SHC4: variants seen among roughly 807,000 people sequenced by gnomAD.
The protein encoded by SHC4 is SHC-transforming protein 4.
In SHC4, 41 loss-of-function variants were observed where a neutral mutation model predicts 69.4. The observed-to-expected ratio is 0.59, with a 90% CI of 0.46 to 0.77. The LOEUF (loss-of-function observed/expected upper bound fraction) is 0.77. SHC4 is among the 30% of genes least tolerant of loss of function. The probability of loss-of-function intolerance (pLI) is 0.00; values close to 1 mark genes in which losing one functional copy is unlikely to be tolerated. For missense variants in SHC4, 777 were observed against 783.8 expected (o/e 0.99, Z 0.10); for synonymous variants, 318 against 299.3 (o/e 1.06, Z -0.64).
chr15:48,918,890 T>C (rs1192814203), intron 2 of SHC4, among the ~76,000 whole-genome samples: 1 of 152,196 alleles, frequency 6.6e-6, no homozygotes, highest in Non-Finnish European at 1.5e-5. Flanking sequence ...AAATTTACCC[T>C]TCTTTGATGG....
chr15:48,938,700 T>A (rs1310543425), intron 1 of SHC4, among the ~76,000 whole-genome samples: 1 of 142,492 alleles, frequency 7.0e-6, no homozygotes, highest in Non-Finnish European at 1.6e-5. Flanking sequence ...ATACAGCAGA[T>A]GCCCCAGCCA....
At chr15:48,880,004 A>G (rs1251189782) in intron 4 of SHC4, 2 of 167,094 alleles carry the variant, frequency 1.2e-5, no homozygotes, top group African/African-American at 4.8e-5. Flanking sequence ...ATCAATGAGT[A>G]TGTTGCCGTG....
At chr15:48,904,110 C>A (rs1027042603) in intron 2 of SHC4, among the ~76,000 whole-genome samples, 1 of 152,110 alleles carries the variant, frequency 6.6e-6, no homozygotes, top group Admixed American at 6.6e-5. Flanking sequence ...GCATCTTAAA[C>A]CCAGGATTAA....
intron 1 of SHC4, among the ~76,000 whole-genome samples, chr15:48,949,513 G>A (rs902207925): frequency 2.6e-5 from 4 of 151,916 alleles, no homozygotes; most frequent in South Asian, 2.1e-4. Flanking sequence ...GACTATTGCT[G>A]TAATCTCCTC....
At chr15:48,924,785 A>G (rs1254390392) in intron 2 of SHC4, 94 bp downstream of exon 2, 5 of 1,330,584 alleles carry the variant, frequency 3.8e-6, no homozygotes, top group South Asian at 2.4e-5. Context: ...AAAGTGCATA[A>G]TGAATTGGAA....
At chr15:48,852,527 A>G (rs1369090492) in intron 8 of SHC4, among the ~76,000 whole-genome samples, 2 of 152,220 alleles carry the variant, frequency 1.3e-5, no homozygotes, top group African/African-American at 4.8e-5. Context: ...TGAGAAAATG[A>G]AAGGAAAGCA....
chr15:48,943,490 C>T (rs1032313270), intron 1 of SHC4, among the ~76,000 whole-genome samples: 2 of 152,048 alleles, frequency 1.3e-5, no homozygotes, highest in African/African-American at 4.8e-5. Context: ...ATTTCTTTAT[C>T]CCTTTATCCA....
intron 3 of SHC4, among the ~76,000 whole-genome samples, chr15:48,890,284 T>A (rs1900111824): frequency 6.6e-6 from 1 of 152,202 alleles, no homozygotes; most frequent in South Asian, 2.1e-4. Flanking sequence ...TACCTCACCT[T>A]TACCACTATC....
rs533220808 is a variant in SHC4, at chr15:48,900,544, T to C, written c.657-9733A>G. ...AGAAAAAAAGAAGAAGAAGAAGGGC[T>C]TTTACCAGAGGGCACATGGAGGTCC... On this transcript the variant is annotated intron_variant, in intron 2 of 11. Transcript: ENST00000332408. 4.0e-4 allele frequency among the ~76,000 whole-genome samples: 61 copies of C among 151,080 alleles called. No homozygotes were observed. In the East Asian group the frequency reaches 6.2e-3, roughly 15 times the overall value.
rs1198206674 is a variant in SHC4 at position 48,878,668 on chromosome 15, G to A, written c.840+5580C>T. On this transcript the variant is annotated intron_variant, in intron 4 of 11. Coordinates refer to ENST00000332408, the MANE Select transcript of SHC4 (RefSeq NM_203349.4). ...TTGATCAGTTAGCTTTTATCGAAGA[G>A]CTTTTTTCACTGATGGTTGTCAATC... The A allele has an allele frequency of 3.1e-6, 5 of 1,613,914 alleles. No individual in the cohort carries two copies. The Admixed American group carries it at 6.7e-5, about 22-fold the overall frequency.
chr15:48,853,283 G>A (rs1899250138), intron 8 of SHC4, among the ~76,000 whole-genome samples: 1 of 152,134 alleles, frequency 6.6e-6, no homozygotes, highest in Non-Finnish European at 1.5e-5. Flanking sequence ...AACTAAGGAG[G>A]TTAAAAGTCT....
intron 2 of SHC4, among the ~76,000 whole-genome samples, chr15:48,892,558 C>T (rs986600203): frequency 3.9e-5 from 6 of 152,074 alleles, no homozygotes; most frequent in Non-Finnish European, 7.4e-5. Flanking sequence ...TGATAAGACT[C>T]ATATTATTAA....
intron 2 of SHC4, among the ~76,000 whole-genome samples, chr15:48,914,627 C>T (rs1251742848): frequency 2.6e-5 from 4 of 152,032 alleles, no homozygotes; most frequent in Non-Finnish European, 5.9e-5. Flanking sequence ...CCCGAAGCCT[C>T]GATTATCCTT....
chr15:48,872,705 G>A (rs1899708106), intron 4 of SHC4, among the ~76,000 whole-genome samples: 1 of 152,084 alleles, frequency 6.6e-6, no homozygotes. Flanking sequence ...TTTGATTTCA[G>A]TCATTCACTA....
Position 48,835,006 on chromosome 15 carries a change from A to G in SHC4, c.1500T>C (p.Val500=). 1.2e-6 allele frequency: 2 copies of G among 1,611,642 alleles called. No homozygotes were observed. Among genetic ancestry groups the G allele is most frequent in the Non-Finnish European group, 1.7e-6 (2 of 1,178,976 alleles). Reference sequence around the variant, plus strand: ...CAGGCTGGGCTGTGGCACCCGGCTGAACAGTTTCTGGTGCCTCTGAAGTCA... The same window carrying G: ...CAGGCTGGGCTGTGGCACCCGGCTGGACAGTTTCTGGTGCCTCTGAAGTCA... The part of the protein sequence containing the change: ...PWHCGKAPET[V]QPGATAQPAS... The change falls in exon 11 of 12, where the codon GTT becomes GTC. Residue 500 remains valine, a synonymous_variant. Transcript: ENST00000332408.
intron 1 of SHC4, among the ~76,000 whole-genome samples, chr15:48,943,944 G>A (rs551359873): frequency 3.3e-5 from 5 of 151,996 alleles, no homozygotes; most frequent in Admixed American, 6.6e-5. Context: ...TTTAAGCTGC[G>A]TACATTGGGG....
chr15:48,905,428 C>T (rs1854602982), intron 2 of SHC4, among the ~76,000 whole-genome samples: 1 of 152,216 alleles, frequency 6.6e-6, no homozygotes, highest in Admixed American at 6.5e-5. Context: ...GGCTGCCATT[C>T]AACTGCAGCT....
At chr15:48,843,750 GCACCAGT>G (rs1899036856) in intron 9 of SHC4, among the ~76,000 whole-genome samples, 162 bp from the exon 10 acceptor site, 1 of 152,132 alleles carries the variant, frequency 6.6e-6, no homozygotes, top group South Asian at 2.1e-4. Context: ...ATCAAAATAA[GCACCAGT>G]CTCTGAGGGA....
chr15:48,963,146 G>T lies in SHC4; in HGVS notation c.-131C>A. On this transcript the variant is annotated 5_prime_UTR_variant, in exon 1 of 12. Transcript: ENST00000332408. ...CAGCCACCTCTCCAACTCTGCTCTC[G>T]AGCTCGCCCACCTCGGCTCCCGGCC... 1.0e-6 allele frequency: 1 copy of T among 971,820 alleles called. No individual in the cohort carries two copies. The highest frequency in any genetic ancestry group is 1.5e-6 in the Non-Finnish European group (1 of 668,752). 60.2% of individuals were successfully genotyped at this position (971,820 alleles called of 1,614,324 possible).
Sources: gnomAD v4.1 joint callset for allele counts (sites outside exome capture counted in the v4.1 genomes callset) on GRCh38, gnomAD v4.1.1 for gene constraint, MANE v1.5 for transcripts, NCBI Gene and HGNC (gene_info 2026-07-23, HGNC 2026-07-21) for gene names.